The following HORMAD2 variants were observed in gnomAD, a reference collection of about 807,000 sequenced individuals.
The protein encoded by HORMAD2 is HORMA domain containing 2.
In HORMAD2, 45 loss-of-function variants were observed where a neutral mutation model predicts 38.8. That is an observed-to-expected ratio of 1.16 (90% CI 0.91 to 1.49). The LOEUF (loss-of-function observed/expected upper bound fraction) is 1.49, where lower values mean the gene tolerates loss of function less well. Ranked by LOEUF, HORMAD2 falls within the 40% of genes most tolerant of loss-of-function variation. The pLI, the probability that HORMAD2 is intolerant of heterozygous loss-of-function variation, is 0.00. For missense variants in HORMAD2, 338 were observed against 367.0 expected (o/e 0.92, Z 0.65); for synonymous variants, 126 against 122.8 (o/e 1.03, Z -0.17).
intron 10 of HORMAD2, among the ~76,000 whole-genome samples, chr22:30,139,990 T>G (rs1923962945): frequency 6.6e-6 from 1 of 152,068 alleles, no homozygotes; most frequent in Non-Finnish European, 1.5e-5. Context: ...TATTGCTAGA[T>G]GTTTTCCTAG....
the HORMAD2 span, among the ~76,000 whole-genome samples, chr22:30,206,594 C>T: frequency 6.6e-6 from 1 of 151,816 alleles, no homozygotes; most frequent in African/African-American, 2.4e-5. Context: ...GCAATCCTCT[C>T]GCCTCAGCCT....
At chr22:30,169,758 C>A (rs1159171409) in intron 10 of HORMAD2, among the ~76,000 whole-genome samples, 1 of 152,188 alleles carries the variant, frequency 6.6e-6, no homozygotes, top group African/African-American at 2.4e-5. Context: ...TCTTCCCCAC[C>A]ATTTTCCCAC....
chr22:30,095,222 A>T (rs1314766004), intron 2 of HORMAD2, among the ~76,000 whole-genome samples: 1 of 152,208 alleles, frequency 6.6e-6, no homozygotes, highest in Admixed American at 6.6e-5. Context: ...TAAACACTTA[A>T]ATCAAATATT....
In HORMAD2 at chr22:30,093,949, T is replaced by C. The variant is rs2068736907; in HGVS notation, c.-4T>C. 1 of 1,599,550 alleles carries C rather than the reference T, an allele frequency of 6.3e-7. No homozygotes were observed. The highest frequency in any genetic ancestry group is 2.2e-5 in the East Asian group (1 of 44,484). On this transcript the variant is annotated 5_prime_UTR_variant, in exon 2 of 11. Transcript: ENST00000336726. The stretch of plus-strand genomic sequence containing the variant: ...TGTTGAAATAATCCTGATACATTCC[T>C]ACAATGGCCACTGCTCAGCTTTCTC...
intron 1 of HORMAD2, among the ~76,000 whole-genome samples, chr22:30,088,158 C>T (rs189034917): frequency 7.6e-4 from 98 of 129,290 alleles, no homozygotes; most frequent in Admixed American, 2.2e-3. Flanking sequence ...TATGTATACA[C>T]GTATACCTAT....
chr22:30,182,816 G>A, the HORMAD2 span, among the ~76,000 whole-genome samples: 403 of 152,050 alleles, frequency 2.7e-3, no homozygotes, highest in African/African-American at 9.1e-3. Flanking sequence ...AGATTAACTC[G>A]GTAGGGTTTT....
At position 30,152,188 on chromosome 22, in the gene HORMAD2, T is replaced by C. The variant is rs1924792446; in HGVS notation, c.820-23875T>C. On this transcript the variant is annotated intron_variant, in intron 10 of 10. Transcript: ENST00000336726. ...GTCTCTGTTCCTTTTTCATTCTTCT[T>C]GGTCTATTTTTATTTTATTTTATTT... Among the ~76,000 whole-genome samples, 3 of 152,222 alleles carry C rather than the reference T, an allele frequency of 2.0e-5. No homozygotes were observed. In the South Asian group the frequency reaches 6.2e-4, roughly 32 times the overall value.
chr22:30,097,054 C>T (rs1000772134), intron 2 of HORMAD2, among the ~76,000 whole-genome samples: 1 of 152,128 alleles, frequency 6.6e-6, no homozygotes, highest in Admixed American at 6.5e-5. Context: ...TGTATTGACA[C>T]AACACCGGCT....
At chr22:30,098,802 T>A (rs1258126049) in intron 2 of HORMAD2, 50 bp from the exon 3 acceptor site, 2 of 1,523,590 alleles carry the variant, frequency 1.3e-6, no homozygotes, top group Admixed American at 1.9e-5. Context: ...TGTGCTAAAC[T>A]GAATATATTA....
At chr22:30,184,171 G>A in the HORMAD2 span, among the ~76,000 whole-genome samples, 1 of 152,194 alleles carries the variant, frequency 6.6e-6, no homozygotes, top group Non-Finnish European at 1.5e-5. Context: ...GGACTAAGAT[G>A]TTAATTCACA....
At chr22:30,139,275 T>C (rs1210347504) in intron 10 of HORMAD2, among the ~76,000 whole-genome samples, 1 of 143,996 alleles carries the variant, frequency 6.9e-6, no homozygotes, top group Non-Finnish European at 1.5e-5. Context: ...TATATATATA[T>C]ATATATATAT....
upstream of HORMAD2, among the ~76,000 whole-genome samples, chr22:30,078,607 C>CAAA (rs55966787): frequency 0.058 from 1,631 of 28,050 alleles, 377 homozygotes; most frequent in South Asian, 0.11. Flanking sequence ...CTCTGTCTCA[C>CAAA]AAAAAAAAAA....
chr22:30,104,591 CTGT>C (rs1365112909), intron 5 of HORMAD2, 154 bp downstream of exon 5: 2 of 557,528 alleles, frequency 3.6e-6, no homozygotes, highest in Non-Finnish European at 6.2e-6. Context: ...CTTTATTGTC[CTGT>C]TGTTGTCTCC....
rs1412452499 is a variant in HORMAD2, at chr22:30,122,292, C to T, written c.819+78C>T. On this transcript the variant is annotated intron_variant, in intron 10 of 10. Transcript: ENST00000336726. ...TTTTTCAGTTTCTACCCAGGGCATG[C>T]ACGTGGAGTGTGCCAGCTATAAAAA... 1.3e-5 allele frequency: 18 copies of T among 1,354,910 alleles called. No individual in the cohort carries two copies. The South Asian group carries it at 2.0e-4, about 15-fold the overall frequency. The allele number at this position is 1,354,910 out of a possible 1,614,324, so 83.9% of individuals were successfully genotyped here. A position where few individuals can be genotyped will look rare whatever the true frequency, so the allele number is the denominator to read the frequency against.
chr22:30,146,987 T>A (rs1462234401), intron 10 of HORMAD2, among the ~76,000 whole-genome samples: 2 of 152,178 alleles, frequency 1.3e-5, no homozygotes, highest in African/African-American at 4.8e-5. Flanking sequence ...TAATAAGACA[T>A]ATGCCAAGAT....
At chr22:30,090,013 A>G (rs923004372) in intron 1 of HORMAD2, among the ~76,000 whole-genome samples, 12 of 152,170 alleles carry the variant, frequency 7.9e-5, no homozygotes, top group Admixed American at 6.5e-4. Flanking sequence ...CACTTAGCAT[A>G]ATGTTTTCAA....
intron 1 of HORMAD2, among the ~76,000 whole-genome samples, chr22:30,092,979 G>A (rs1396404524): frequency 6.6e-6 from 1 of 152,070 alleles, no homozygotes; most frequent in Non-Finnish European, 1.5e-5. Flanking sequence ...AGAGTCTTTT[G>A]TGGTTCCATA....
At chr22:30,079,808 T>C (rs986837401), upstream of HORMAD2, among the ~76,000 whole-genome samples, 1 of 152,136 alleles carries the variant, frequency 6.6e-6, no homozygotes, top group Non-Finnish European at 1.5e-5. Context: ...GCTTCCCAAG[T>C]AGCTGGGACT....
At chr22:30,173,479 A>G (rs1926244750) in intron 10 of HORMAD2, among the ~76,000 whole-genome samples, 1 of 152,232 alleles carries the variant, frequency 6.6e-6, no homozygotes, top group African/African-American at 2.4e-5. Flanking sequence ...TGCTAGCATG[A>G]GAATGATGGA....
Sources: gnomAD v4.1 joint callset for allele counts (sites outside exome capture counted in the v4.1 genomes callset) on GRCh38, gnomAD v4.1.1 for gene constraint, MANE v1.5 for transcripts, NCBI Gene and HGNC (gene_info 2026-07-23, HGNC 2026-07-21) for gene names.